Variants in EXOC7 observed in about 807,000 individuals in gnomAD.
The protein encoded by EXOC7 is exocyst complex component 7.
In EXOC7, 51 loss-of-function variants were observed where a neutral mutation model predicts 87.6. The observed-to-expected ratio is 0.58, with a 90% confidence interval of 0.46 to 0.73. EXOC7 has a LOEUF of 0.73. EXOC7 is among the 30% of genes least tolerant of loss of function. EXOC7 has a pLI of 0.00. For synonymous variants in EXOC7, 327 were observed against 357.1 expected (o/e 0.92, Z 0.95); for missense variants, 744 against 888.4 (o/e 0.84, Z 2.07).
At chr17:76,102,979 C>T (rs1230548111) in intron 2 of EXOC7, 3 of 193,116 alleles carry the variant, frequency 1.6e-5, no homozygotes, top group Admixed American at 1.1e-4. Flanking sequence ...GGAGTGAAGG[C>T]TGAGTCTTCT....
chr17:76,101,635 C>G (rs887616436), intron 3 of EXOC7, 44 bp downstream of exon 3: 24 of 1,564,400 alleles, frequency 1.5e-5, no homozygotes, highest in Non-Finnish European at 2.1e-5. Flanking sequence ...TCCTGTTGGC[C>G]CAGGAGGCAT....
Position 76,097,958 on chromosome 17 carries a change from G to T in EXOC7, c.478C>A (p.Arg160=). ...ACGGGCGAGACGACCTTACTGTGCC[G>T]CGTCATCAGGCTGCGAAATTCGGAC... ...LESEFRSLMT[R]HSKVVSPVLI... The change falls in exon 5 of 19, where the codon CGG becomes AGG. Residue 160 remains arginine, a synonymous_variant. Coordinates refer to ENST00000589210, the MANE Select transcript of EXOC7 (RefSeq NM_001013839.4). 1 of 1,614,102 alleles carries T rather than the reference G, an allele frequency of 6.2e-7. No individual in the cohort carries two copies. Among genetic ancestry groups the T allele is most frequent in the Non-Finnish European group, 8.5e-7 (1 of 1,180,024 alleles).
chr17:76,100,479 A>G lies in EXOC7; in HGVS notation c.417+792T>C, dbSNP rs1598348092. ...CCGTTTCTACTAAAACTACAAAAAA[A>G]AAAAAAAATTAGCCGAGAGTGGTGG... is the stretch of plus-strand genomic sequence containing the variant. On this transcript the variant is annotated intron_variant, in intron 4 of 18. Coordinates refer to ENST00000589210, the MANE Select transcript of EXOC7 (RefSeq NM_001013839.4). Among the ~76,000 whole-genome samples, 5 of 151,936 alleles carry G rather than the reference A, an allele frequency of 3.3e-5. No homozygotes were observed. The South Asian group carries it at 1.0e-3, about 32-fold the overall frequency.
chr17:76,086,775 A>T, intron 12 of EXOC7: 1 of 1,308,818 alleles, frequency 7.6e-7, no homozygotes, highest in Non-Finnish European at 1.1e-6. Context: ...CCCAGTAGGT[A>T]CTGAGAGTCA....
At chr17:76,086,437 C>T (rs944638376) in intron 12 of EXOC7, among the ~76,000 whole-genome samples, 1 of 152,238 alleles carries the variant, frequency 6.6e-6, no homozygotes, top group Admixed American at 6.5e-5. Flanking sequence ...TGCCCCCACC[C>T]ACCCTGGGTG....
intron 6 of EXOC7, chr17:76,094,194 T>C: frequency 2.0e-6 from 1 of 504,508 alleles, no homozygotes; most frequent in Non-Finnish European, 3.5e-6. Flanking sequence ...AAAGAAGCTG[T>C]GTAACCCCAG....
chr17:76,085,450 G>T, intron 14 of EXOC7, 41 bp from the exon 15 acceptor site: 1 of 1,565,332 alleles, frequency 6.4e-7, no homozygotes, highest in Non-Finnish European at 8.7e-7. Flanking sequence ...GGACAGGATT[G>T]GCTCCTCAGG....
In EXOC7 at chr17:76,094,564, A is replaced by G. The variant is rs1199457214; in HGVS notation, c.658T>C (p.Tyr220His). The G allele has an allele frequency of 6.2e-7, 1 of 1,613,156 alleles. No individual in the cohort carries two copies. Among genetic ancestry groups the G allele is most frequent in the Non-Finnish European group, 8.5e-7 (1 of 1,179,692 alleles). The change falls in exon 6 of 19, where the codon TAC becomes CAC. Residue 220 changes from tyrosine (Y) to histidine (H), a missense_variant. Coordinates refer to ENST00000589210, the MANE Select transcript of EXOC7 (RefSeq NM_001013839.4). ...GRNQDFMNVY[Y>H]QIRSSQLDRS... Reference sequence around the variant, plus strand: ...TCCAGCTGGCTGGAGCGTATCTGGTAGTAGACGTTCATGAAATCTGAGGAG... The same window carrying G: ...TCCAGCTGGCTGGAGCGTATCTGGTGGTAGACGTTCATGAAATCTGAGGAG...
chr17:76,094,027 G>A (rs1009265063), intron 6 of EXOC7: 8 of 166,214 alleles, frequency 4.8e-5, no homozygotes, highest in Non-Finnish European at 7.8e-5. Flanking sequence ...TCTGGAAGGT[G>A]AAGGTTGGAG....
chr17:76,089,262 G>A lies in EXOC7; in HGVS notation c.960C>T (p.Phe320=), dbSNP rs753601529. 1.1e-5 allele frequency: 18 copies of A among 1,614,144 alleles called. No individual in the cohort carries two copies. Among genetic ancestry groups the A allele is most frequent in the Non-Finnish European group, 1.4e-5 (16 of 1,179,996 alleles). The change falls in exon 8 of 19, where the codon TTC becomes TTT. Residue 320 remains phenylalanine, a synonymous_variant. Coordinates refer to ENST00000589210, the MANE Select transcript of EXOC7 (RefSeq NM_001013839.4). ...TDAYIHCVSA[F]VKLAQSEYQL... The stretch of plus-strand genomic sequence containing the variant: ...GGTACTCGCTCTGCGCCAGCTTGAC[G>A]AAGGCACTGACGCAGTGGATGTAGG...
intron 11 of EXOC7, 112 bp downstream of exon 11, chr17:76,087,948 C>T (rs2243486): frequency 0.46 from 582,574 of 1,255,534 alleles, 137,931 homozygotes; most frequent in South Asian, 0.65. Context: ...CACAAAGGTG[C>T]GAGCGGCTCT....
chr17:76,090,249 G>A, intron 7 of EXOC7: 1 of 1,488,994 alleles, frequency 6.7e-7, no homozygotes, highest in Non-Finnish European at 9.0e-7. Flanking sequence ...GCCCAGCTGG[G>A]CCAGGCAGGA....
At position 76,094,551 on chromosome 17, in the gene EXOC7, G is replaced by T. The variant is rs756836820; in HGVS notation, c.671C>A (p.Ser224Tyr). The change falls in exon 6 of 19, where the codon TCC becomes TAC. Residue 224 changes from serine to tyrosine, a missense_variant. Ser to Tyr is a moderately radical substitution (Grantham distance 144). This residue lies in a region of EXOC7 where 512 missense variants were observed against 573.0 expected (regional missense o/e 0.89). Coordinates refer to ENST00000589210, the MANE Select transcript of EXOC7 (RefSeq NM_001013839.4). ...TTTGATGGAGCGGTCCAGCTGGCTGGAGCGTATCTGGTAGTAGACGTTCAT... is the reference window on the plus strand; with the variant it reads ...TTTGATGGAGCGGTCCAGCTGGCTGTAGCGTATCTGGTAGTAGACGTTCAT... ...DFMNVYYQIRSSQLDRSIKGL... is the reference protein window; with the variant it reads ...DFMNVYYQIRYSQLDRSIKGL... 1 of 1,613,902 alleles carries T rather than the reference G, an allele frequency of 6.2e-7. No homozygotes were observed. Among genetic ancestry groups the T allele is most frequent in the African/African-American group, 1.3e-5 (1 of 75,022 alleles).
In EXOC7 at chr17:76,084,493, TCCCAG is replaced by T. The variant is rs1183897839; in HGVS notation, c.1776+19_1776+23del. On this transcript the variant is annotated intron_variant, in intron 16 of 18. Coordinates refer to ENST00000589210, the MANE Select transcript of EXOC7 (RefSeq NM_001013839.4). ...AGTATCCCGTCTGCCAGACACCCCTTCCCAGCCCAGGTCTTGAGCCCACCTTGACT... is the reference window on the plus strand; with the variant it reads ...AGTATCCCGTCTGCCAGACACCCCTTCCCAGGTCTTGAGCCCACCTTGACT... The T allele has an allele frequency of 6.2e-7, 1 of 1,612,532 alleles. No individual in the cohort carries two copies. Among genetic ancestry groups the T allele is most frequent in the Non-Finnish European group, 8.5e-7 (1 of 1,179,122 alleles).
At chr17:76,092,094 T>C (rs919114378) in intron 6 of EXOC7, among the ~76,000 whole-genome samples, 4 of 152,054 alleles carry the variant, frequency 2.6e-5, no homozygotes, top group Non-Finnish European at 4.4e-5. Context: ...AGCAGACAAG[T>C]GCAGCTGCCT....
At chr17:76,087,932 A>T in intron 11 of EXOC7, 128 bp downstream of exon 11, 1 of 1,096,436 alleles carries the variant, frequency 9.1e-7, no homozygotes, top group East Asian at 2.4e-5. Flanking sequence ...GCCACCCAGG[A>T]CTGCTCACAA....
chr17:76,094,575 A>G lies in EXOC7; in HGVS notation c.647T>C (p.Met216Thr), dbSNP rs746853739. The change falls in exon 6 of 19, where the codon ATG (methionine) becomes ACG (threonine). Residue 216 changes from methionine to threonine, a missense_variant. Physicochemically the swap from Met to Thr is moderately conservative, Grantham distance 81. Coordinates refer to ENST00000589210, the MANE Select transcript of EXOC7 (RefSeq NM_001013839.4). Reference protein sequence around the residue: ...LVEYGRNQDFMNVYYQIRSSQ... With the variant: ...LVEYGRNQDFTNVYYQIRSSQ... ...GGAGCGTATCTGGTAGTAGACGTTC[A>G]TGAAATCTGAGGAGACACAGAGGGA... 9.3e-6 allele frequency: 15 copies of G among 1,612,504 alleles called. No individual in the cohort carries two copies. The highest frequency in any genetic ancestry group is 8.3e-5 in the Admixed American group (5 of 59,892).
At chr17:76,088,018 C>T in intron 11 of EXOC7, 42 bp downstream of exon 11, 2 of 1,610,990 alleles carry the variant, frequency 1.2e-6, no homozygotes, top group South Asian at 2.2e-5. Flanking sequence ...GGCCTGGGCC[C>T]TCCTTCCTCC....
In EXOC7 at chr17:76,083,428, C is replaced by G; in HGVS notation, c.*220G>C. ...ATAAAAGCCAAGGTGTGGAGGGACC[C>G]CAGGCTTCCGGGAGAGTGCTGGTTC... On this transcript the variant is annotated 3_prime_UTR_variant, in exon 19 of 19. Coordinates refer to ENST00000589210, the MANE Select transcript of EXOC7 (RefSeq NM_001013839.4). 1 of 567,776 alleles carries G rather than the reference C, an allele frequency of 1.8e-6. No homozygotes were observed. The highest frequency in any genetic ancestry group is 3.2e-6 in the Non-Finnish European group (1 of 316,400). 35.2% of individuals were successfully genotyped at this position (567,776 alleles called of 1,614,324 possible).
Sources: allele counts gnomAD v4.1 joint callset (sites outside exome capture counted in the v4.1 genomes callset), GRCh38; gene constraint gnomAD v4.1.1; regional missense constraint gnomAD v4.1.1; transcripts MANE v1.5; gene names NCBI Gene and HGNC (gene_info 2026-07-23, HGNC 2026-07-21).